The following NARS2 variants were observed in gnomAD, a reference collection of about 807,000 sequenced individuals.
The protein encoded by NARS2 is asparaginyl-tRNA synthetase.
Under a neutral mutation model 62.9 loss-of-function variants are expected in NARS2, and 60 were observed. The observed-to-expected ratio is 0.95, with a 90% CI of 0.77 to 1.18. The LOEUF (loss-of-function observed/expected upper bound fraction) is 1.18. Among genes scored for constraint, NARS2 ranks in the 50% most tolerant of loss-of-function variants. The probability of loss-of-function intolerance (pLI) is 0.00; values close to 1 mark genes in which losing one functional copy is unlikely to be tolerated. For missense variants in NARS2, 619 were observed against 576.4 expected (o/e 1.07, Z -0.76); for synonymous variants, 196 against 200.0 (o/e 0.98, Z 0.17).
intron 5 of NARS2, among the ~76,000 whole-genome samples, chr11:78,558,014 T>C (rs1856426428): frequency 6.6e-6 from 1 of 152,044 alleles, no homozygotes. Flanking sequence ...TATACCTTTT[T>C]TTCCCAGCCA....
At chr11:78,531,192 G>T (rs1229427672) in intron 5 of NARS2, among the ~76,000 whole-genome samples, 1 of 151,890 alleles carries the variant, frequency 6.6e-6, no homozygotes, top group Non-Finnish European at 1.5e-5. Context: ...AGAGTTAAAG[G>T]TTTATAGCAA....
intron 6 of NARS2, among the ~76,000 whole-genome samples, chr11:78,515,418 C>T (rs1014536670): frequency 4.6e-5 from 7 of 152,050 alleles, no homozygotes; most frequent in Non-Finnish European, 7.4e-5. Flanking sequence ...TGACTGCTAA[C>T]GGGTTTGGAG....
chr11:78,482,317 TA>T (rs1005127058), intron 7 of NARS2, among the ~76,000 whole-genome samples: 1 of 151,870 alleles, frequency 6.6e-6, no homozygotes, highest in Non-Finnish European at 1.5e-5. Flanking sequence ...ATTGACACCC[TA>T]ACATCACAAT....
chr11:78,458,665 A>G (rs1376318030), intron 11 of NARS2, among the ~76,000 whole-genome samples: 2 of 152,236 alleles, frequency 1.3e-5, no homozygotes, highest in Non-Finnish European at 2.9e-5. Flanking sequence ...GATTTGATTC[A>G]TTAATCCATT....
intron 13 of NARS2, 106 bp downstream of exon 13, chr11:78,440,984 TG>T (rs1290498928): frequency 2.0e-6 from 2 of 988,056 alleles, no homozygotes; most frequent in Admixed American, 4.3e-5. Context: ...TTAAGTTCAT[TG>T]TTTTTAACAC....
chr11:78,503,904 C>T (rs1299654936), intron 6 of NARS2, among the ~76,000 whole-genome samples: 1 of 152,148 alleles, frequency 6.6e-6, no homozygotes, highest in Non-Finnish European at 1.5e-5. Context: ...GCCTTGTAGG[C>T]TGCATGAATA....
At chr11:78,461,277 C>T (rs1268355271) in intron 11 of NARS2, among the ~76,000 whole-genome samples, 1 of 151,960 alleles carries the variant, frequency 6.6e-6, no homozygotes, top group Non-Finnish European at 1.5e-5. Context: ...AGGACTGGGC[C>T]TTGAGGAATT....
intron 6 of NARS2, among the ~76,000 whole-genome samples, chr11:78,514,585 T>G (rs1268149169): frequency 6.6e-6 from 1 of 152,216 alleles, no homozygotes; most frequent in East Asian, 1.9e-4. Flanking sequence ...ACAACTCACA[T>G]GAAACTTGCT....
intron 7 of NARS2, among the ~76,000 whole-genome samples, chr11:78,482,539 A>G (rs974827483): frequency 1.3e-5 from 2 of 152,214 alleles, no homozygotes; most frequent in African/African-American, 2.4e-5. Flanking sequence ...AAATAGACAC[A>G]ATAAAAAATG....
chr11:78,494,562 C>T (rs1859977445), intron 6 of NARS2, among the ~76,000 whole-genome samples: 1 of 150,626 alleles, frequency 6.6e-6, no homozygotes, highest in Non-Finnish European at 1.5e-5. Context: ...TCTCAATTGC[C>T]ATTTCAGTAA....
chr11:78,571,598 A>G lies in NARS2; in HGVS notation c.142-154T>C. 8.7e-6 allele frequency: 5 copies of G among 576,152 alleles called. No homozygotes were observed. The Admixed American group carries it at 8.9e-5, about 10-fold the overall frequency. 35.7% of individuals were successfully genotyped at this position (576,152 alleles called of 1,614,324 possible). On this transcript the variant is annotated intron_variant, in intron 1 of 13. Transcript: ENST00000281038. The stretch of plus-strand genomic sequence containing the variant: ...TTCACCAATATGCATACTTAATTTT[A>G]TATGTTCCAATCACAATAGGATACA...
At chr11:78,542,562 G>A (rs1402903301) in intron 5 of NARS2, among the ~76,000 whole-genome samples, 1 of 152,154 alleles carries the variant, frequency 6.6e-6, no homozygotes, top group African/African-American at 2.4e-5. Context: ...GGATACCTAT[G>A]CTCCAGAGTT....
chr11:78,440,719 G>A (rs1040470202), intron 13 of NARS2, among the ~76,000 whole-genome samples: 4 of 151,808 alleles, frequency 2.6e-5, no homozygotes, highest in African/African-American at 7.3e-5. Context: ...TTTTAGTAGA[G>A]ATGGGGTTTC....
chr11:78,499,925 G>T (rs1860219970), intron 6 of NARS2, among the ~76,000 whole-genome samples: 1 of 152,092 alleles, frequency 6.6e-6, no homozygotes. Flanking sequence ...TTTGTCAACG[G>T]CACTTACTCG....
At chr11:78,472,654 G>A (rs888118859) in intron 9 of NARS2, among the ~76,000 whole-genome samples, 3 of 152,154 alleles carry the variant, frequency 2.0e-5, no homozygotes, top group African/African-American at 7.2e-5. Context: ...AAGAATACAA[G>A]TCACATGGTA....
intron 9 of NARS2, among the ~76,000 whole-genome samples, chr11:78,471,058 C>T (rs1218337806): frequency 2.6e-5 from 4 of 151,914 alleles, no homozygotes; most frequent in Non-Finnish European, 5.9e-5. Flanking sequence ...GCCCCTAAAG[C>T]TATGTTTTGA....
chr11:78,497,939 T>C (rs935663085), intron 6 of NARS2, among the ~76,000 whole-genome samples: 5 of 152,210 alleles, frequency 3.3e-5, no homozygotes, highest in Non-Finnish European at 7.3e-5. Flanking sequence ...ATATTTTTTT[T>C]GGAACTGAAT....
intron 2 of NARS2, among the ~76,000 whole-genome samples, chr11:78,569,485 A>T (rs1250341313): frequency 6.6e-6 from 1 of 152,218 alleles, no homozygotes; most frequent in Non-Finnish European, 1.5e-5. Flanking sequence ...TTTCATAATT[A>T]CAGTAAGTAT....
At chr11:78,536,714 AATCT>A (rs1482568359) in intron 5 of NARS2, among the ~76,000 whole-genome samples, 1 of 152,170 alleles carries the variant, frequency 6.6e-6, no homozygotes, top group Non-Finnish European at 1.5e-5. Context: ...ATTAATAATT[AATCT>A]ATTACTGAAG....
Sources: allele counts gnomAD v4.1 joint callset (sites outside exome capture counted in the v4.1 genomes callset), GRCh38; gene constraint gnomAD v4.1.1; transcripts MANE v1.5; gene names NCBI Gene and HGNC (gene_info 2026-07-23, HGNC 2026-07-21).